EDA: variants seen among roughly 807,000 people sequenced by gnomAD.
EDA encodes ectodysplasin A, also known as ectodysplasin-A.
In EDA, 2 loss-of-function variants were observed where a neutral mutation model predicts 23.6. That is an observed-to-expected ratio of 0.08 (90% CI 0.03 to 0.27). The LOEUF is 0.27. Ranked by LOEUF, EDA falls within the 10% of genes least tolerant of loss-of-function variation. The probability of loss-of-function intolerance (pLI) is 1.00; values close to 1 mark genes in which losing one functional copy is unlikely to be tolerated. For synonymous variants in EDA, 131 were observed against 132.0 expected, an observed-to-expected ratio of 0.99 and a Z score of 0.05; for missense variants, 229 against 324.2, an observed-to-expected ratio of 0.71 and a Z score of 2.26.
At chrX:69,713,172 C>T (rs1186753380) in intron 1 of EDA, among the ~76,000 whole-genome samples, 2 of 111,799 alleles carry the variant, frequency 1.8e-5, no homozygotes, top group Non-Finnish European at 3.8e-5. Context: ...CGTAACAAAC[C>T]TGCACGTTGT....
intron 1 of EDA, among the ~76,000 whole-genome samples, chrX:69,779,036 G>A: frequency 9.0e-6 from 1 of 111,485 alleles, no homozygotes; most frequent in East Asian, 2.8e-4. Flanking sequence ...AATAAGTGTT[G>A]AGGAGGATTC....
In EDA at chrX:70,035,441, C is replaced by T. The variant is rs746241095; in HGVS notation, c.1008C>T (p.Ile336=). ...CCTTCCTGCAGTGCACACGCAGCAT[C>T]GAGACGGGCAAGACCAACTACAACA... The part of the protein sequence containing the change: ...EKPFLQCTRS[I]ETGKTNYNTC... The change falls in exon 8 of 8, where the codon ATC becomes ATT. Residue 336 remains isoleucine, a synonymous_variant. Transcript: ENST00000374552. 2 of 1,210,536 alleles carry T rather than the reference C, an allele frequency of 1.7e-6. No individual in the cohort carries two copies. The highest frequency in any genetic ancestry group is 1.8e-5 in the South Asian group (1 of 56,815).
intron 1 of EDA, among the ~76,000 whole-genome samples, chrX:69,790,991 G>A (rs2015390450): frequency 9.0e-6 from 1 of 111,616 alleles, no homozygotes; most frequent in Non-Finnish European, 1.9e-5. Flanking sequence ...CTTTTAAAGG[G>A]CATATATGCT....
intron 1 of EDA, among the ~76,000 whole-genome samples, chrX:69,788,235 G>T (rs1054114134): frequency 4.5e-5 from 5 of 112,008 alleles, no homozygotes; most frequent in Non-Finnish European, 9.4e-5. Flanking sequence ...CCTTTGGTTT[G>T]AATTTCCTCC....
At chrX:69,949,827 G>A (rs1408814815) in intron 1 of EDA, among the ~76,000 whole-genome samples, 1 of 111,742 alleles carries the variant, frequency 8.9e-6, no homozygotes, top group African/African-American at 3.3e-5. Context: ...TGGGTTTAAG[G>A]TCATTTTAAA....
chrX:69,744,472 C>G (rs2013556075), intron 1 of EDA, among the ~76,000 whole-genome samples: 1 of 112,022 alleles, frequency 8.9e-6, no homozygotes, highest in African/African-American at 3.2e-5. Flanking sequence ...AAATGCAAAG[C>G]TCTACTACTA....
intron 1 of EDA, among the ~76,000 whole-genome samples, chrX:69,656,387 T>G (rs1933322617): frequency 8.9e-6 from 1 of 111,817 alleles, no homozygotes; most frequent in Non-Finnish European, 1.9e-5. Context: ...AAAATCACAA[T>G]TCTAATAACA....
chrX:69,690,831 A>G (rs1453396372), intron 1 of EDA, among the ~76,000 whole-genome samples: 1 of 111,698 alleles, frequency 9.0e-6, no homozygotes, highest in Non-Finnish European at 1.9e-5. Context: ...TACATCTTTT[A>G]TATTTCTTCC....
At chrX:69,991,605 G>T in intron 2 of EDA, among the ~76,000 whole-genome samples, 1 of 111,708 alleles carries the variant, frequency 9.0e-6, no homozygotes, top group Non-Finnish European at 1.9e-5. Flanking sequence ...CTCTGCTAGT[G>T]CCTGCAGAGG....
At chrX:69,991,370 GT>G (rs1184883467) in intron 2 of EDA, among the ~76,000 whole-genome samples, 1 of 111,164 alleles carries the variant, frequency 9.0e-6, no homozygotes, top group East Asian at 2.8e-4. Context: ...TGACAATTTT[GT>G]TTTCTAAGCC....
intron 1 of EDA, among the ~76,000 whole-genome samples, chrX:69,844,453 C>G (rs2016965256): frequency 8.9e-6 from 1 of 112,836 alleles, no homozygotes; most frequent in Admixed American, 9.3e-5. Context: ...GTTATGCCCC[C>G]AAGCATGATG....
chrX:69,755,837 C>G (rs1455179710), intron 1 of EDA, among the ~76,000 whole-genome samples: 1 of 112,638 alleles, frequency 8.9e-6, no homozygotes, highest in Non-Finnish European at 1.9e-5. Flanking sequence ...GCGAGTGAGG[C>G]GCTGTGGGCA....
intron 1 of EDA, among the ~76,000 whole-genome samples, chrX:69,716,180 C>T (rs755266789): frequency 8.9e-6 from 1 of 111,740 alleles, no homozygotes; most frequent in East Asian, 2.8e-4. Flanking sequence ...AGATTTTCTT[C>T]TAGGGTTTTT....
Position 69,736,036 on chromosome X carries a change from G to T in EDA, c.396+119332G>T, listed in dbSNP as rs187925321. Among the ~76,000 whole-genome samples, 34 of 110,833 alleles carry T rather than the reference G, an allele frequency of 3.1e-4. 1 individual carries two copies. The East Asian group carries it at 9.9e-3, about 32-fold the overall frequency. ...AAAAAAAAAAAATAGGCTGGGCGTG[G>T]TGGCTCATGCCTATAATCCCAGCAC... On this transcript the variant is annotated intron_variant, in intron 1 of 7. Coordinates refer to ENST00000374552, the MANE Select transcript of EDA (RefSeq NM_001399.5).
intron 1 of EDA, among the ~76,000 whole-genome samples, chrX:69,810,075 C>G (rs923098231): frequency 1.6e-4 from 17 of 105,840 alleles, no homozygotes; most frequent in Non-Finnish European, 2.9e-4. Flanking sequence ...GCCTGACCAA[C>G]ATGGTGAAAT....
chrX:69,811,769 G>A (rs940442980), intron 1 of EDA, among the ~76,000 whole-genome samples: 6 of 112,339 alleles, frequency 5.3e-5, no homozygotes, highest in Non-Finnish European at 1.1e-4. Context: ...TGGCTCCCAA[G>A]CCAATCTGAA....
At chrX:69,913,064 G>A (rs888307555) in intron 1 of EDA, among the ~76,000 whole-genome samples, 3 of 111,668 alleles carry the variant, frequency 2.7e-5, no homozygotes, top group Admixed American at 1.9e-4. Context: ...CACCACACCC[G>A]GTGAAGATTT....
chrX:69,891,452 C>T (rs2017929233), intron 1 of EDA, among the ~76,000 whole-genome samples: 1 of 111,884 alleles, frequency 8.9e-6, no homozygotes, highest in Admixed American at 9.5e-5. Context: ...ACTATAAAGA[C>T]ACATGCATGC....
chrX:69,919,375 A>G (rs1000040661), intron 1 of EDA, among the ~76,000 whole-genome samples: 1 of 112,393 alleles, frequency 8.9e-6, no homozygotes, highest in Non-Finnish European at 1.9e-5. Context: ...CAGAACCATG[A>G]GACCGCCAAC....
Sources: gnomAD v4.1 joint callset for allele counts (sites outside exome capture counted in the v4.1 genomes callset) on GRCh38, gnomAD v4.1.1 for gene constraint, MANE v1.5 for transcripts, NCBI Gene and HGNC (gene_info 2026-07-23, HGNC 2026-07-21) for gene names.